The following LIMA1 variants were observed in gnomAD, a reference collection of about 807,000 sequenced individuals.
The protein encoded by LIMA1 is LIM domain and actin-binding protein 1.
A neutral mutation model predicts 62.6 loss-of-function variants in LIMA1; 52 were observed. That is an observed-to-expected ratio of 0.83 (90% confidence interval 0.67 to 1.05). The LOEUF is 1.05. LIMA1 is among the 50% of genes least tolerant of loss of function. The pLI, the probability that LIMA1 is intolerant of heterozygous loss-of-function variation, is 0.00. For missense variants in LIMA1, 780 were observed against 902.2 expected, an observed-to-expected ratio of 0.86 and a Z score of 1.74; for synonymous variants, 302 against 317.8, an observed-to-expected ratio of 0.95 and a Z score of 0.53.
intron 10 of LIMA1, among the ~76,000 whole-genome samples, chr12:50,178,971 T>C (rs923272489): frequency 1.3e-5 from 2 of 150,354 alleles, no homozygotes; most frequent in African/African-American, 4.9e-5. Flanking sequence ...TATATATTTT[T>C]TTTTTCTTTT....
At chr12:50,270,233 C>CAAAAAA (rs60610107) in intron 1 of LIMA1, among the ~76,000 whole-genome samples, 1 of 68,406 alleles carries the variant, frequency 1.5e-5, no homozygotes, top group Non-Finnish European at 2.5e-5. Context: ...GAAACTCTGT[C>CAAAAAA]AAAAAAAAAA....
chr12:50,232,373 CTT>C (rs112911088), intron 2 of LIMA1, among the ~76,000 whole-genome samples: 16 of 137,038 alleles, frequency 1.2e-4, no homozygotes, highest in Non-Finnish European at 8.0e-5. Context: ...TTTCTTTTTT[CTT>C]TTTTTTTTTT....
At chr12:50,229,477 G>A (rs1941578201) in intron 3 of LIMA1, among the ~76,000 whole-genome samples, 1 of 152,078 alleles carries the variant, frequency 6.6e-6, no homozygotes, top group African/African-American at 2.4e-5. Flanking sequence ...TTACTCACAG[G>A]TGGGAATTGA....
chr12:50,231,721 G>A lies in LIMA1; in HGVS notation c.120-11C>T, dbSNP rs544866154. On this transcript the variant is annotated splice_polypyrimidine_tract_variant and intron_variant, in intron 2 of 10. Coordinates refer to ENST00000341247, the MANE Select transcript of LIMA1 (RefSeq NM_016357.5). ...GCTGCTTTCTGGTACCTTCAGAGAA[G>A]GGAAGGAAAGAATGTCTCAAATTAA... 9.3e-6 allele frequency: 15 copies of A among 1,610,318 alleles called. No individual in the cohort carries two copies. In the South Asian group the frequency reaches 1.6e-4, roughly 18 times the overall value.
At chr12:50,277,369 C>G (rs1427062563) in intron 1 of LIMA1, among the ~76,000 whole-genome samples, 1 of 152,188 alleles carries the variant, frequency 6.6e-6, no homozygotes, top group Non-Finnish European at 1.5e-5. Flanking sequence ...TTTACTGCAT[C>G]CAGTCTTTCC....
intron 7 of LIMA1, among the ~76,000 whole-genome samples, chr12:50,197,772 C>T (rs1035237575): frequency 6.6e-6 from 1 of 151,072 alleles, no homozygotes; most frequent in African/African-American, 2.4e-5. Context: ...GGGGATATTT[C>T]AATGCTGGGA....
At chr12:50,279,607 G>T (rs181909872) in intron 1 of LIMA1, among the ~76,000 whole-genome samples, 1 of 152,128 alleles carries the variant, frequency 6.6e-6, no homozygotes, top group African/African-American at 2.4e-5. Flanking sequence ...GATCATGGGA[G>T]TAAGTGGTTA....
In LIMA1 at chr12:50,205,220, AG is replaced by A. The variant is rs779333392; in HGVS notation, c.716-521del. Among the ~76,000 whole-genome samples, 24 of 147,482 alleles carry A rather than the reference AG, an allele frequency of 1.6e-4. No homozygotes were observed. The East Asian group carries it at 4.3e-3, about 26-fold the overall frequency. ...AGTTTCCCAAGTAGCAGTGACTTCA[AG>A]GATGCACCACCACGCTGGGCTTTTT... On this transcript the variant is annotated intron_variant, in intron 5 of 10. Coordinates refer to ENST00000341247, the MANE Select transcript of LIMA1 (RefSeq NM_016357.5).
At chr12:50,274,636 G>A (rs1942254671) in intron 1 of LIMA1, among the ~76,000 whole-genome samples, 2 of 152,076 alleles carry the variant, frequency 1.3e-5, no homozygotes, top group Non-Finnish European at 1.5e-5. Flanking sequence ...CATTCCACTG[G>A]AGAAGCCGGA....
In LIMA1 at chr12:50,269,991, C is replaced by T. The variant is rs535573919; in HGVS notation, c.-24+13429G>A. Among the ~76,000 whole-genome samples, 391 of 146,204 alleles carry T rather than the reference C, an allele frequency of 2.7e-3. 3 individuals are homozygous for T. Among genetic ancestry groups the T allele is most frequent in the African/African-American group, 9.4e-3 (370 of 39,424 alleles). On this transcript the variant is annotated intron_variant, in intron 1 of 10. Coordinates refer to ENST00000341247, the MANE Select transcript of LIMA1 (RefSeq NM_016357.5). Reference sequence around the variant, plus strand: ...GGCTTATGACTGTAATCTCAGCACTCTGGGAGGCCGAGGTGGGCGGATCAC... The same window carrying T: ...GGCTTATGACTGTAATCTCAGCACTTTGGGAGGCCGAGGTGGGCGGATCAC...
intron 4 of LIMA1, among the ~76,000 whole-genome samples, chr12:50,208,923 T>A (rs1307877590): frequency 6.6e-6 from 1 of 151,662 alleles, no homozygotes; most frequent in East Asian, 1.9e-4. Context: ...CAAAAAGTAA[T>A]AATAATAATT....
intron 1 of LIMA1, among the ~76,000 whole-genome samples, chr12:50,263,874 TATAA>T (rs1565863098): frequency 7.8e-6 from 1 of 127,696 alleles, no homozygotes; most frequent in Non-Finnish European, 1.6e-5. Context: ...TATATATATA[TATAA>T]AGTATATATA....
At chr12:50,237,142 A>C (rs576652314) in intron 2 of LIMA1, among the ~76,000 whole-genome samples, 1 of 152,372 alleles carries the variant, frequency 6.6e-6, no homozygotes, top group South Asian at 2.1e-4. Flanking sequence ...CACTAAAAAA[A>C]GATTTTAATA....
chr12:50,230,047 T>G (rs1941586605), intron 3 of LIMA1: 1 of 152,434 alleles, frequency 6.6e-6, no homozygotes, highest in African/African-American at 2.4e-5. Context: ...TTTTTTTATT[T>G]TTTTTGAGAC....
rs761203122 is a variant in LIMA1 at position 50,206,045 on chromosome 12, A to G, written c.654T>C (p.Ser218=). ...TTTCAGAGATCTTCCTTCCACTTGC[A>G]CTTCGGCTTTGGGCCCGGAGAATCT... The part of the protein sequence containing the change: ...QTKILRAQSR[S]ASGRKISENS... Residue 218 remains serine (S), a synonymous_variant, in exon 5 of 11, where the codon AGT becomes AGC. Transcript: ENST00000341247. 6.2e-7 allele frequency: 1 copy of G among 1,613,114 alleles called. No homozygotes were observed.
chr12:50,212,972 G>A lies in LIMA1; in HGVS notation c.631-6904C>T, dbSNP rs569745165. 6.6e-5 allele frequency among the ~76,000 whole-genome samples: 10 copies of A among 152,122 alleles called. No homozygotes were observed. In the East Asian group the frequency reaches 1.4e-3, roughly 21 times the overall value. ...TGGGATTTCAGGCGCATGTCACCAC[G>A]CCAGGCTAATTTTTGTATTTTTAAT... On this transcript the variant is annotated intron_variant, in intron 4 of 10. Coordinates refer to ENST00000341247, the MANE Select transcript of LIMA1 (RefSeq NM_016357.5).
rs773512020 is a variant in LIMA1 at position 50,177,089 on chromosome 12, T to C, written c.2255A>G (p.Tyr752Cys). The stretch of plus-strand genomic sequence containing the variant: ...TCACTCTTCATCCTCATCCTCATCA[T>C]AATACCGATTTCTCTTTATCTGTTC... The part of the protein sequence containing the change: ...VEEQIKRNRY[Y>C]DEDEDEE The change falls in exon 11 of 11, where the codon TAT becomes TGT. Residue 752 changes from tyrosine to cysteine, a missense_variant. Physicochemically the swap from Tyr to Cys is radical, Grantham distance 194 (BLOSUM62 -2). Transcript: ENST00000341247. The C allele has an allele frequency of 9.4e-6, 15 of 1,590,548 alleles. No individual in the cohort carries two copies. In the African/African-American group the frequency reaches 1.2e-4, roughly 13 times the overall value.
chr12:50,209,289 G>A (rs1941209901), intron 4 of LIMA1, among the ~76,000 whole-genome samples: 1 of 151,918 alleles, frequency 6.6e-6, no homozygotes, highest in South Asian at 2.1e-4. Context: ...AAATGAAGTG[G>A]TTGGGTGCGG....
Position 50,204,714 on chromosome 12 carries a change from A to G in LIMA1, c.716-14T>C. ...ATGACAACTGACCTGGAAGCATCCA[A>G]ATAACATGTTTTATTTTATTTCTGA... On this transcript the variant is annotated splice_polypyrimidine_tract_variant and intron_variant, in intron 5 of 10. Coordinates refer to ENST00000341247, the MANE Select transcript of LIMA1 (RefSeq NM_016357.5). The G allele has an allele frequency of 1.9e-6, 3 of 1,613,616 alleles. No individual in the cohort carries two copies. Among genetic ancestry groups the G allele is most frequent in the Non-Finnish European group, 2.5e-6 (3 of 1,179,738 alleles).
Sources: allele counts gnomAD v4.1 joint callset (sites outside exome capture counted in the v4.1 genomes callset), GRCh38; gene constraint gnomAD v4.1.1; transcripts MANE v1.5; gene names NCBI Gene and HGNC (gene_info 2026-07-23, HGNC 2026-07-21).